Variants in LATS2 observed in about 807,000 individuals in gnomAD.
The protein encoded by LATS2 is large tumor suppressor kinase 2.
In LATS2, 24 loss-of-function variants were observed where a neutral mutation model predicts 76.0. That is an observed-to-expected ratio of 0.32 (90% CI 0.23 to 0.44). LATS2 has a LOEUF of 0.44. Among genes scored for constraint, LATS2 ranks in the 20% least tolerant of loss-of-function variants. LATS2 has a pLI of 1.00. For missense variants in LATS2, 1,286 were observed against 1,481.2 expected (o/e 0.87, Z 2.16); for synonymous variants, 692 against 635.4 (o/e 1.09, Z -1.34).
chr13:21,002,748 A>C (rs1008769426), intron 2 of LATS2, among the ~76,000 whole-genome samples: 10 of 152,102 alleles, frequency 6.6e-5, no homozygotes, highest in Non-Finnish European at 1.5e-4. Context: ...GCTGAAGTAC[A>C]GTGGTGCAAT....
intron 2 of LATS2, among the ~76,000 whole-genome samples, chr13:21,042,958 T>C (rs1872933587): frequency 6.7e-6 from 1 of 149,684 alleles, no homozygotes; most frequent in Admixed American, 6.7e-5. Context: ...CACTCCAGCC[T>C]GGGCCACAGA....
chr13:20,979,331 C>T (rs1450282712), intron 7 of LATS2, among the ~76,000 whole-genome samples: 1 of 151,938 alleles, frequency 6.6e-6, no homozygotes, highest in Admixed American at 6.6e-5. Flanking sequence ...AACTATAGTT[C>T]CTGGAGTTCC....
intron 2 of LATS2, among the ~76,000 whole-genome samples, chr13:21,031,854 TA>T (rs910382026): frequency 1.3e-5 from 2 of 151,792 alleles, no homozygotes; most frequent in African/African-American, 2.4e-5. Flanking sequence ...AGACCTCGAC[TA>T]AAAAAAAATT....
chr13:20,998,518 G>C (rs771046319), intron 2 of LATS2, among the ~76,000 whole-genome samples: 2 of 152,172 alleles, frequency 1.3e-5, no homozygotes, highest in Non-Finnish European at 2.9e-5. Context: ...GTCTTCAAAA[G>C]AATCTCTGAC....
At chr13:21,022,457 T>G (rs1872107021) in intron 2 of LATS2, among the ~76,000 whole-genome samples, 1 of 152,206 alleles carries the variant, frequency 6.6e-6, no homozygotes, top group Non-Finnish European at 1.5e-5. Flanking sequence ...ATCTCACTTT[T>G]GTACTGCACG....
intron 2 of LATS2, among the ~76,000 whole-genome samples, chr13:20,994,956 T>C (rs1300441465): frequency 6.6e-6 from 1 of 152,104 alleles, no homozygotes; most frequent in Non-Finnish European, 1.5e-5. Flanking sequence ...TTCCAAAAGA[T>C]GGCAGGATGG....
chr13:21,038,557 G>A (rs1386565399), intron 2 of LATS2: 2 of 152,086 alleles, frequency 1.3e-5, no homozygotes, highest in Non-Finnish European at 2.9e-5. Flanking sequence ...AAAATCGCCA[G>A]TGCTGACTAC....
intron 2 of LATS2, among the ~76,000 whole-genome samples, chr13:21,011,973 A>G (rs948551690): frequency 2.0e-5 from 3 of 152,142 alleles, no homozygotes; most frequent in Non-Finnish European, 4.4e-5. Context: ...AACAAAACCA[A>G]TTTTACCATA....
intron 3 of LATS2, among the ~76,000 whole-genome samples, chr13:20,990,998 C>A (rs968289422): frequency 6.6e-6 from 1 of 152,234 alleles, no homozygotes; most frequent in African/African-American, 2.4e-5. Context: ...AAGCACACAC[C>A]TTCCCCTAGG....
intron 2 of LATS2, among the ~76,000 whole-genome samples, chr13:20,996,248 C>A (rs2138306942): frequency 6.6e-6 from 1 of 152,308 alleles, no homozygotes; most frequent in African/African-American, 2.4e-5. Context: ...AAAACCCAAT[C>A]TCCTGCCTCT....
intron 1 of LATS2, among the ~76,000 whole-genome samples, chr13:21,057,695 G>A (rs1328372049): frequency 1.3e-5 from 2 of 152,176 alleles, no homozygotes; most frequent in Non-Finnish European, 2.9e-5. Context: ...AGCTACTCAG[G>A]AGGCTGAGGC....
At chr13:21,001,266 T>A (rs980608507) in intron 2 of LATS2, among the ~76,000 whole-genome samples, 2 of 152,216 alleles carry the variant, frequency 1.3e-5, no homozygotes, top group African/African-American at 4.8e-5. Flanking sequence ...AAGTTCCCTA[T>A]TAGTACACAC....
At chr13:21,039,906 T>C (rs1310158085) in intron 2 of LATS2, among the ~76,000 whole-genome samples, 3 of 152,076 alleles carry the variant, frequency 2.0e-5, no homozygotes, top group African/African-American at 7.2e-5. Context: ...AAATCCCATC[T>C]CTACTAAAAA....
At chr13:20,983,012 A>AG (rs1555223629) in intron 5 of LATS2, among the ~76,000 whole-genome samples, 84 of 149,188 alleles carry the variant, frequency 5.6e-4, no homozygotes, top group Middle Eastern at 3.5e-3. Flanking sequence ...AAAAAAAAAA[A>AG]GTAAACCTGA....
At position 20,998,591 on chromosome 13, in the gene LATS2, T is replaced by C. The variant is rs1318354014; in HGVS notation, c.343-7187A>G. On this transcript the variant is annotated intron_variant, in intron 2 of 7. Transcript: ENST00000382592. ...GAGGAGCTGGAATTTCCAAAGGGTG[T>C]TCCAACCCCACCCCCACGGAAAGGC... Among the ~76,000 whole-genome samples the C allele has an allele frequency of 3.3e-5, 5 of 152,142 alleles. No homozygotes were observed. In the East Asian group the frequency reaches 9.6e-4, roughly 29 times the overall value.
intron 2 of LATS2, among the ~76,000 whole-genome samples, chr13:20,995,492 G>A (rs1168356151): frequency 6.6e-6 from 1 of 152,226 alleles, no homozygotes; most frequent in African/African-American, 2.4e-5. Context: ...TCAGGTATGT[G>A]TTCTGGTGTC....
At chr13:21,061,002 C>G (rs1429254997) in intron 1 of LATS2, among the ~76,000 whole-genome samples, 1 of 148,522 alleles carries the variant, frequency 6.7e-6, no homozygotes, top group African/African-American at 2.6e-5. Context: ...CCTGCCCCGC[C>G]GGGATCCCGG....
chr13:21,052,247 A>C (rs1250799184), intron 1 of LATS2, among the ~76,000 whole-genome samples: 1 of 152,208 alleles, frequency 6.6e-6, no homozygotes, highest in Non-Finnish European at 1.5e-5. Context: ...AAAGATTTAT[A>C]ATAAGTTAGG....
intron 2 of LATS2, among the ~76,000 whole-genome samples, chr13:20,992,960 T>C (rs567493295): frequency 1.4e-5 from 2 of 140,102 alleles, no homozygotes; most frequent in African/African-American, 5.5e-5. Flanking sequence ...GCTTGAAACC[T>C]GGGAGGTGGA....
Sources: allele counts gnomAD v4.1 joint callset (sites outside exome capture counted in the v4.1 genomes callset), GRCh38; gene constraint gnomAD v4.1.1; transcripts MANE v1.5; gene names NCBI Gene and HGNC (gene_info 2026-07-23, HGNC 2026-07-21).